Variants in MCTP1 observed in about 807,000 individuals in gnomAD.
The protein encoded by MCTP1 is multiple C2 and transmembrane domain-containing protein 1.
MCTP1 carries 69 observed loss-of-function variants against 120.6 expected under a neutral mutation model. That is an observed-to-expected ratio of 0.57 (90% CI 0.47 to 0.70). The LOEUF is 0.70. Among genes scored for constraint, MCTP1 ranks in the 30% least tolerant of loss-of-function variants. The pLI is 0.00. For missense variants in MCTP1, 1,203 were observed against 1,248.8 expected, an observed-to-expected ratio of 0.96 and a Z score of 0.55; for synonymous variants, 529 against 493.1, an observed-to-expected ratio of 1.07 and a Z score of -0.96.
intron 7 of MCTP1, among the ~76,000 whole-genome samples, chr5:94,919,575 G>A (rs1228338324): frequency 7.2e-5 from 11 of 152,150 alleles, no homozygotes; most frequent in Non-Finnish European, 1.6e-4. Flanking sequence ...TTTACAATAA[G>A]CCATGTGTGG....
chr5:94,750,313 A>G (rs1767992020), intron 19 of MCTP1, among the ~76,000 whole-genome samples: 2 of 152,306 alleles, frequency 1.3e-5, no homozygotes, highest in South Asian at 4.1e-4. Flanking sequence ...TTATTTTCTC[A>G]ATGGTTCAAA....
chr5:94,806,473 C>A (rs1047749861), intron 17 of MCTP1, among the ~76,000 whole-genome samples: 2 of 152,102 alleles, frequency 1.3e-5, no homozygotes, highest in East Asian at 3.9e-4. Context: ...GCAAGACATG[C>A]ATGATTTTGA....
At chr5:95,271,529 A>G (rs1759399437) in intron 1 of MCTP1, among the ~76,000 whole-genome samples, 1 of 151,842 alleles carries the variant, frequency 6.6e-6, no homozygotes, top group Admixed American at 6.6e-5. Context: ...TTTTACCTGT[A>G]AGGATCATTT....
intron 19 of MCTP1, among the ~76,000 whole-genome samples, chr5:94,736,735 C>A (rs888286420): frequency 6.6e-6 from 1 of 152,166 alleles, no homozygotes. Context: ...TCTGTGTGAA[C>A]TCCTTCTGAG....
rs1554151244 is a variant in MCTP1 at position 94,954,147 on chromosome 5, C to CAT, written c.839-788_839-787dup. The stretch of plus-strand genomic sequence containing the variant: ...ACAAATATATATATGCATATATATA[C>CAT]ATATATATATGCATATATATACATA... On this transcript the variant is annotated intron_variant, in intron 2 of 22. Transcript: ENST00000515393. 1.8e-4 allele frequency among the ~76,000 whole-genome samples: 6 copies of CAT among 32,510 alleles called. 2 individuals carry two copies. Among genetic ancestry groups the CAT allele is most frequent in the African/African-American group, 7.7e-4 (5 of 6,510 alleles). 21.3% of individuals were successfully genotyped at this position (32,510 alleles called of 152,430 possible). A position where few individuals can be genotyped will look rare whatever the true frequency, so the allele number is the denominator to read the frequency against.
At chr5:95,071,202 A>G (rs1376154497) in intron 1 of MCTP1, among the ~76,000 whole-genome samples, 1 of 152,196 alleles carries the variant, frequency 6.6e-6, no homozygotes, top group Non-Finnish European at 1.5e-5. Flanking sequence ...TAACCTGGGC[A>G]TACCTATGAC....
At chr5:95,038,094 G>T in intron 1 of MCTP1, 1 of 983,354 alleles carries the variant, frequency 1.0e-6, no homozygotes, top group Non-Finnish European at 1.2e-6. Flanking sequence ...TCAAACATTC[G>T]AACAATCTCA....
At chr5:94,905,957 T>C (rs10039473) in intron 10 of MCTP1, among the ~76,000 whole-genome samples, 1 of 151,734 alleles carries the variant, frequency 6.6e-6, no homozygotes, top group Non-Finnish European at 1.5e-5. Flanking sequence ...AGAAAGAGCA[T>C]GCAGTGAGGT....
chr5:94,856,612 A>G (rs1202619254), intron 17 of MCTP1, among the ~76,000 whole-genome samples: 1 of 151,674 alleles, frequency 6.6e-6, no homozygotes, highest in African/African-American at 2.4e-5. Flanking sequence ...AAAAATAATT[A>G]CAGCAGCAAA....
At chr5:95,258,200 A>C (rs1200348974) in intron 1 of MCTP1, among the ~76,000 whole-genome samples, 1 of 152,194 alleles carries the variant, frequency 6.6e-6, no homozygotes, top group African/African-American at 2.4e-5. Context: ...GAAACCTGAC[A>C]AATGCTACCT....
intron 1 of MCTP1, among the ~76,000 whole-genome samples, chr5:95,217,013 G>C (rs894602485): frequency 6.6e-6 from 1 of 152,086 alleles, no homozygotes; most frequent in African/African-American, 2.4e-5. Flanking sequence ...TAGCAGATGC[G>C]TATATACAGC....
intron 1 of MCTP1, among the ~76,000 whole-genome samples, chr5:95,121,701 A>G (rs1758253337): frequency 6.6e-6 from 1 of 152,076 alleles, no homozygotes; most frequent in Non-Finnish European, 1.5e-5. Context: ...AAGTTATCCT[A>G]AACAAAAAGA....
At chr5:95,114,681 G>A (rs575817232) in intron 1 of MCTP1, among the ~76,000 whole-genome samples, 32 of 152,368 alleles carry the variant, frequency 2.1e-4, no homozygotes, top group African/African-American at 7.7e-4. Flanking sequence ...GTTTTTGACT[G>A]TAGTCCCTGG....
At chr5:95,008,982 T>C (rs1835322198) in intron 2 of MCTP1, among the ~76,000 whole-genome samples, 1 of 150,808 alleles carries the variant, frequency 6.6e-6, no homozygotes, top group African/African-American at 2.5e-5. Flanking sequence ...TGAGCTATGA[T>C]CATATCACTG....
At chr5:95,025,304 A>C (rs1262758937) in intron 1 of MCTP1, among the ~76,000 whole-genome samples, 1 of 152,236 alleles carries the variant, frequency 6.6e-6, no homozygotes, top group South Asian at 2.1e-4. Flanking sequence ...GGTGTCAAGA[A>C]TACACAATGG....
chr5:94,957,170 T>C (rs1014481821), intron 2 of MCTP1, among the ~76,000 whole-genome samples: 3 of 152,144 alleles, frequency 2.0e-5, no homozygotes, highest in Non-Finnish European at 4.4e-5. Context: ...CAAATTAAGC[T>C]TCATAAGTGA....
intron 21 of MCTP1, 100 bp from the exon 22 acceptor site, chr5:94,708,709 C>A: frequency 1.5e-6 from 1 of 672,786 alleles, no homozygotes; most frequent in Non-Finnish European, 2.6e-6. Context: ...AACCAATACA[C>A]CCAGTTTTTT....
At chr5:94,910,939 T>C (rs1404979215) in intron 9 of MCTP1, among the ~76,000 whole-genome samples, 1 of 152,176 alleles carries the variant, frequency 6.6e-6, no homozygotes, top group African/African-American at 2.4e-5. Context: ...CTGTCTTTAC[T>C]TATCTGGCCT....
chr5:94,816,089 C>CT (rs545699898), intron 17 of MCTP1, among the ~76,000 whole-genome samples: 281 of 152,150 alleles, frequency 1.8e-3, no homozygotes, highest in South Asian at 5.6e-3. Flanking sequence ...AAGAAGTAAG[C>CT]TTTTTTTAAT....
Sources: gnomAD v4.1 joint callset for allele counts (sites outside exome capture counted in the v4.1 genomes callset) on GRCh38, gnomAD v4.1.1 for gene constraint, MANE v1.5 for transcripts, NCBI Gene and HGNC (gene_info 2026-07-23, HGNC 2026-07-21) for gene names.